The following ZBTB7C variants were observed in gnomAD, a reference collection of about 807,000 sequenced individuals.
The protein encoded by ZBTB7C is zinc finger and BTB domain-containing protein 7C.
ZBTB7C carries 8 observed loss-of-function variants against 25.7 expected under a neutral mutation model. The observed-to-expected ratio is 0.31, with a 90% CI of 0.18 to 0.56. ZBTB7C has a LOEUF of 0.56. Ranked by LOEUF, ZBTB7C falls within the 20% of genes least tolerant of loss-of-function variation. The probability of loss-of-function intolerance (pLI) is 0.91; values close to 1 mark genes in which losing one functional copy is unlikely to be tolerated. For synonymous variants in ZBTB7C, 394 were observed against 369.0 expected, an observed-to-expected ratio of 1.07 and a Z score of -0.78; for missense variants, 824 against 855.2, an observed-to-expected ratio of 0.96 and a Z score of 0.46.
At chr18:48,121,283 A>T (rs1314235905) in intron 3 of ZBTB7C, among the ~76,000 whole-genome samples, 2 of 152,132 alleles carry the variant, frequency 1.3e-5, no homozygotes, top group Non-Finnish European at 2.9e-5. Context: ...TGTGACTGCA[A>T]CTCACAGTTA....
intron 3 of ZBTB7C, among the ~76,000 whole-genome samples, chr18:48,060,730 C>T (rs952515171): frequency 2.0e-5 from 3 of 152,210 alleles, no homozygotes; most frequent in Admixed American, 6.5e-5. Context: ...ATGTTCCCAT[C>T]CTTCCCTCTC....
chr18:48,409,917 C>T (rs1161161443), upstream of ZBTB7C, among the ~76,000 whole-genome samples: 1 of 151,754 alleles, frequency 6.6e-6, no homozygotes, highest in Non-Finnish European at 1.5e-5. Flanking sequence ...GCCGGACCCG[C>T]CCGCACCCCC....
At chr18:48,355,382 T>A (rs2046954977) in intron 1 of ZBTB7C, among the ~76,000 whole-genome samples, 2 of 152,202 alleles carry the variant, frequency 1.3e-5, no homozygotes, top group South Asian at 2.1e-4. Flanking sequence ...TCCAGATGTC[T>A]GCTTAGCGGA....
chr18:48,146,027 T>C (rs979021628), intron 3 of ZBTB7C, among the ~76,000 whole-genome samples: 6 of 152,230 alleles, frequency 3.9e-5, no homozygotes, highest in Non-Finnish European at 5.9e-5. Flanking sequence ...TTATACATTT[T>C]GTATTTAATT....
chr18:48,080,552 C>T (rs2037942335), intron 3 of ZBTB7C, among the ~76,000 whole-genome samples: 1 of 152,252 alleles, frequency 6.6e-6, no homozygotes, highest in Non-Finnish European at 1.5e-5. Flanking sequence ...GCTGCTTCAC[C>T]TCTGTGGGCC....
chr18:48,127,461 T>C (rs1164024420), intron 3 of ZBTB7C, among the ~76,000 whole-genome samples: 1 of 152,216 alleles, frequency 6.6e-6, no homozygotes, highest in Non-Finnish European at 1.5e-5. Context: ...GACAACTCTT[T>C]AGAAGGAAGG....
chr18:48,362,508 C>T (rs2047131635), intron 1 of ZBTB7C, among the ~76,000 whole-genome samples: 1 of 152,110 alleles, frequency 6.6e-6, no homozygotes, highest in Non-Finnish European at 1.5e-5. Context: ...ATTCTCTGAA[C>T]CAAAAAGCAG....
At chr18:48,357,414 G>T (rs1390152959) in intron 1 of ZBTB7C, among the ~76,000 whole-genome samples, 1 of 152,176 alleles carries the variant, frequency 6.6e-6, no homozygotes, top group Non-Finnish European at 1.5e-5. Flanking sequence ...CTCCCTCCCA[G>T]GAGCCCTTCC....
At chr18:48,055,665 C>T (rs1007258268) in intron 3 of ZBTB7C, among the ~76,000 whole-genome samples, 4 of 152,104 alleles carry the variant, frequency 2.6e-5, no homozygotes, top group African/African-American at 9.7e-5. Context: ...TATTTGCTCC[C>T]AGCCACAGGA....
chr18:48,211,801 A>G (rs761313856), intron 2 of ZBTB7C, among the ~76,000 whole-genome samples: 15 of 152,304 alleles, frequency 9.8e-5, no homozygotes, highest in Non-Finnish European at 2.1e-4. Flanking sequence ...AAAACTTAAC[A>G]TAATCTTACC....
chr18:48,101,455 A>G (rs2038827939), intron 3 of ZBTB7C, among the ~76,000 whole-genome samples: 1 of 152,236 alleles, frequency 6.6e-6, no homozygotes, highest in Non-Finnish European at 1.5e-5. Flanking sequence ...TTTAAAAATG[A>G]TTAGTGAGAC....
At chr18:48,243,460 C>T (rs769592294) in intron 2 of ZBTB7C, among the ~76,000 whole-genome samples, 1 of 151,898 alleles carries the variant, frequency 6.6e-6, no homozygotes, top group Non-Finnish European at 1.5e-5. Flanking sequence ...AAGAATATAC[C>T]TAACCAAGGA....
chr18:48,162,885 G>A (rs1408201032), intron 3 of ZBTB7C, among the ~76,000 whole-genome samples: 2 of 152,206 alleles, frequency 1.3e-5, no homozygotes, highest in Non-Finnish European at 2.9e-5. Context: ...GGGCAGGTAA[G>A]ACCTATGGGA....
At chr18:48,070,854 A>G (rs1368174286) in intron 3 of ZBTB7C, among the ~76,000 whole-genome samples, 1 of 152,094 alleles carries the variant, frequency 6.6e-6, no homozygotes, top group Non-Finnish European at 1.5e-5. Context: ...TTTGAGGCTG[A>G]GTTTTCCCCC....
intron 2 of ZBTB7C, among the ~76,000 whole-genome samples, chr18:48,188,722 T>G (rs1347043924): frequency 6.6e-6 from 1 of 152,164 alleles, no homozygotes; most frequent in East Asian, 1.9e-4. Flanking sequence ...ACTTAGCCAG[T>G]CCTATCCCTG....
At chr18:48,103,152 C>G (rs1263560540) in intron 3 of ZBTB7C, among the ~76,000 whole-genome samples, 1 of 139,218 alleles carries the variant, frequency 7.2e-6, no homozygotes, top group Non-Finnish European at 1.6e-5. Flanking sequence ...ATCTATCTAT[C>G]TATCTATCTG....
intron 3 of ZBTB7C, among the ~76,000 whole-genome samples, chr18:48,182,033 A>G (rs115861123): frequency 2.2e-3 from 337 of 152,310 alleles, no homozygotes; most frequent in African/African-American, 7.8e-3. Context: ...ACCCCACCAG[A>G]GGCAGCTGAC....
At chr18:48,373,588 G>A (rs1251478443) in intron 1 of ZBTB7C, among the ~76,000 whole-genome samples, 1 of 152,136 alleles carries the variant, frequency 6.6e-6, no homozygotes, top group East Asian at 1.9e-4. Flanking sequence ...TCATGGGGGC[G>A]GATTCTTCAT....
intron 2 of ZBTB7C, among the ~76,000 whole-genome samples, chr18:48,336,963 A>T (rs906006754): frequency 2.0e-5 from 3 of 152,090 alleles, no homozygotes; most frequent in African/African-American, 7.2e-5. Context: ...CTTGCCAGAG[A>T]CCCTGGAGCT....
Sources: gnomAD v4.1 joint callset for allele counts (sites outside exome capture counted in the v4.1 genomes callset) on GRCh38, gnomAD v4.1.1 for gene constraint, MANE v1.5 for transcripts, NCBI Gene and HGNC (gene_info 2026-07-23, HGNC 2026-07-21) for gene names.